Variants in ACTR8 observed in about 807,000 individuals in gnomAD.
The protein encoded by ACTR8 is actin related protein 8, also known as actin-related protein 8.
A neutral mutation model predicts 84.3 loss-of-function variants in ACTR8; 70 were observed. That is an observed-to-expected ratio of 0.83 (90% confidence interval 0.68 to 1.01). The LOEUF (loss-of-function observed/expected upper bound fraction) is 1.01. ACTR8 is among the 50% of genes least tolerant of loss of function. The pLI, the probability that ACTR8 is intolerant of heterozygous loss-of-function variation, is 0.00. For missense variants in ACTR8, 672 were observed against 775.4 expected (o/e 0.87, Z 1.58); for synonymous variants, 268 against 275.2 (o/e 0.97, Z 0.26).
chr3:53,864,900 G>C (rs1699724810), downstream of ACTR8: 1 of 1,614,190 alleles, frequency 6.2e-7, no homozygotes, highest in African/African-American at 1.3e-5. Context: ...TCCTTGAAAA[G>C]TGGCAGAAAA....
At chr3:53,871,580 C>T (rs1699884812) in intron 10 of ACTR8, 84 bp from the exon 11 acceptor site, 1 of 1,492,010 alleles carries the variant, frequency 6.7e-7, no homozygotes, top group Non-Finnish European at 9.1e-7. Context: ...CCTCCCTACC[C>T]TACTACTATA....
At chr3:53,879,482 G>C (rs188000521) in intron 2 of ACTR8, among the ~76,000 whole-genome samples, 107 of 151,640 alleles carry the variant, frequency 7.1e-4, no homozygotes, top group African/African-American at 2.5e-3. Context: ...CTTACTGCAA[G>C]AAAATTTTTT....
At chr3:53,872,666 G>A in intron 9 of ACTR8, 142 bp from the exon 10 acceptor site, 1 of 1,077,314 alleles carries the variant, frequency 9.3e-7, no homozygotes, top group Non-Finnish European at 1.3e-6. Flanking sequence ...TTCGGGAGTG[G>A]CATTATTTCT....
downstream of ACTR8, chr3:53,864,739 C>G (rs1699718522): frequency 6.3e-7 from 1 of 1,588,954 alleles, no homozygotes; most frequent in African/African-American, 1.3e-5. Flanking sequence ...CTTTTCTCCT[C>G]TCACAGAAAG....
intron 1 of ACTR8, among the ~76,000 whole-genome samples, chr3:53,880,880 C>A (rs1178256058): frequency 6.6e-6 from 1 of 152,322 alleles, no homozygotes; most frequent in South Asian, 2.1e-4. Context: ...CCCTGACTGT[C>A]GGGGATGGAG....
chr3:53,859,528 T>A, the ACTR8 span: 1 of 152,464 alleles, frequency 6.6e-6, no homozygotes, highest in Non-Finnish European at 1.5e-5. Context: ...GTGAGGCGGG[T>A]GGCACTATCC....
At chr3:53,872,349 A>ATGT (rs1207288534) in intron 10 of ACTR8, 35 bp downstream of exon 10, 1 of 1,525,780 alleles carries the variant, frequency 6.6e-7, no homozygotes, top group Admixed American at 2.2e-5. Flanking sequence ...TTCAGGGACA[A>ATGT]AACTCTCTCT....
rs147452336 is a variant in ACTR8, at chr3:53,876,621, T to C, written c.777A>G (p.Ser259=). 8 of 1,556,778 alleles carry C rather than the reference T, an allele frequency of 5.1e-6. No homozygotes were observed. The highest frequency in any genetic ancestry group is 7.0e-6 in the Non-Finnish European group (8 of 1,137,996). ...VNMILMKMGF[S]GIVVHQESVC... is the part of the protein sequence containing the mutation. The stretch of plus-strand genomic sequence containing the variant: ...GTTTCACTGGGATATCAGACATACC[T>C]GAAAAACCCATCTTCATTAGTATCA... The change falls in exon 6 of 13, where the codon TCA becomes TCG. Residue 259 remains serine, a splice_region_variant and synonymous_variant. Transcript: ENST00000335754.
chr3:53,879,586 A>T (rs1414021083), intron 2 of ACTR8, among the ~76,000 whole-genome samples: 1 of 152,206 alleles, frequency 6.6e-6, no homozygotes, highest in Non-Finnish European at 1.5e-5. Context: ...AGTTTGACTT[A>T]TTGACTTAAA....
chr3:53,869,870 A>G (rs1311691131), intron 12 of ACTR8, 112 bp downstream of exon 12: 1 of 1,282,748 alleles, frequency 7.8e-7, no homozygotes, highest in Non-Finnish European at 1.1e-6. Flanking sequence ...ACTTGCCCTA[A>G]GCCCTCAAGA....
At chr3:53,871,994 A>G (rs916599077) in intron 10 of ACTR8, among the ~76,000 whole-genome samples, 3 of 152,202 alleles carry the variant, frequency 2.0e-5, no homozygotes, top group Non-Finnish European at 4.4e-5. Flanking sequence ...ACCAGACATC[A>G]TATTATGGGG....
intron 9 of ACTR8, among the ~76,000 whole-genome samples, chr3:53,872,731 G>A (rs921511447): frequency 2.0e-5 from 3 of 152,306 alleles, no homozygotes; most frequent in East Asian, 1.9e-4. Flanking sequence ...TGGGTGATAT[G>A]ACACCATATG....
intron 6 of ACTR8, 69 bp from the exon 7 acceptor site, chr3:53,876,149 T>G (rs2107066094): frequency 6.3e-7 from 1 of 1,575,182 alleles, no homozygotes; most frequent in African/African-American, 1.4e-5. Context: ...AAACAGATAA[T>G]CAGCTGAAGC....
chr3:53,864,642 C>T, downstream of ACTR8: 1 of 867,586 alleles, frequency 1.2e-6, no homozygotes, highest in Non-Finnish European at 1.8e-6. Flanking sequence ...CCTTGGTGCT[C>T]AGCTGACATT....
Position 53,870,660 on chromosome 3 carries a change from TAAA to T in ACTR8, c.1568-518_1568-516del, listed in dbSNP as rs1699870379. 1.5e-5 allele frequency among the ~76,000 whole-genome samples: 2 copies of T among 137,716 alleles called. No homozygotes were observed. The highest frequency in any genetic ancestry group is 2.5e-5 in the African/African-American group (1 of 39,770). The allele number at this position is 137,716 out of a possible 152,430, so 90.3% of individuals were successfully genotyped here. ...AGTGAGACTCTGAAAAATAAATAAA[TAAA>T]ATCTTTAAAGGGACCCACAAGATCC... is the stretch of plus-strand genomic sequence containing the variant. On this transcript the variant is annotated intron_variant, in intron 11 of 12. Transcript: ENST00000335754. This position sits in a 1 kb window ranked among gnomAD's most constrained non-coding sequence, Gnocchi z 4.1.
chr3:53,869,405 C>T (rs1699849562), intron 12 of ACTR8, among the ~76,000 whole-genome samples: 2 of 152,320 alleles, frequency 1.3e-5, no homozygotes, highest in South Asian at 4.1e-4. Flanking sequence ...CCTATTTACC[C>T]TGTACACAGG....
At chr3:53,872,809 CCTTT>C (rs1193363582) in intron 9 of ACTR8, among the ~76,000 whole-genome samples, 8 of 152,296 alleles carry the variant, frequency 5.3e-5, no homozygotes, top group Non-Finnish European at 1.2e-4. Flanking sequence ...AAGAATGATA[CCTTT>C]CTTTCTAATT....
chr3:53,877,586 T>C, intron 4 of ACTR8, 61 bp downstream of exon 4: 1 of 1,547,860 alleles, frequency 6.5e-7, no homozygotes, highest in Non-Finnish European at 8.9e-7. Context: ...GCAACGTAAA[T>C]GAATTTTAGG....
chr3:53,865,212 T>C, downstream of ACTR8: 1 of 1,614,022 alleles, frequency 6.2e-7, no homozygotes. Context: ...TCATGAAGGA[T>C]GCCACTGCTT....
Sources: gnomAD v4.1 joint callset for allele counts (sites outside exome capture counted in the v4.1 genomes callset) on GRCh38, gnomAD v4.1.1 for gene constraint, Gnocchi (gnomAD v3.1) non-coding constraint, MANE v1.5 for transcripts, NCBI Gene and HGNC (gene_info 2026-07-23, HGNC 2026-07-21) for gene names.